PODXL: variants seen among roughly 807,000 people sequenced by gnomAD.
PODXL encodes podocalyxin like, also known as podocalyxin.
In PODXL, 20 loss-of-function variants were observed where a neutral mutation model predicts 48.9. That is an observed-to-expected ratio of 0.41 (90% CI 0.29 to 0.59). The LOEUF (loss-of-function observed/expected upper bound fraction) is 0.59. Among genes scored for constraint, PODXL ranks in the 20% least tolerant of loss-of-function variants. The pLI is 0.31. For synonymous variants in PODXL, 295 were observed against 287.4 expected, an observed-to-expected ratio of 1.03 and a Z score of -0.27; for missense variants, 606 against 675.1, an observed-to-expected ratio of 0.90 and a Z score of 1.13.
chr7:131,538,444 A>T (rs184443949), intron 1 of PODXL, among the ~76,000 whole-genome samples: 1 of 152,254 alleles, frequency 6.6e-6, no homozygotes, highest in African/African-American at 2.4e-5. Context: ...TCACCTGATG[A>T]AAATCAGGCC....
At chr7:131,531,403 T>C (rs1798278145) in intron 1 of PODXL, among the ~76,000 whole-genome samples, 1 of 152,164 alleles carries the variant, frequency 6.6e-6, no homozygotes, top group Non-Finnish European at 1.5e-5. Flanking sequence ...GAGGACAGCA[T>C]GGGAAGGCCA....
intron 1 of PODXL, among the ~76,000 whole-genome samples, chr7:131,529,111 G>A (rs1798232739): frequency 6.6e-6 from 1 of 152,156 alleles, no homozygotes; most frequent in Non-Finnish European, 1.5e-5. Flanking sequence ...ACAGAGGCCA[G>A]GGTATTTCAT....
chr7:131,521,060 C>G (rs1798084744), intron 1 of PODXL, among the ~76,000 whole-genome samples: 1 of 150,962 alleles, frequency 6.6e-6, no homozygotes, highest in African/African-American at 2.4e-5. Flanking sequence ...CCCAGCTACT[C>G]AGGAGGCTGA....
intron 1 of PODXL, among the ~76,000 whole-genome samples, chr7:131,549,571 G>A (rs779171099): frequency 2.0e-5 from 3 of 152,166 alleles, no homozygotes; most frequent in Admixed American, 6.5e-5. Flanking sequence ...CTTAACTGCC[G>A]TCCCTTCTAC....
chr7:131,509,378 T>C lies in PODXL; in HGVS notation c.1010A>G (p.His337Arg). The C allele has an allele frequency of 1.2e-6, 2 of 1,613,840 alleles. No homozygotes were observed. Among genetic ancestry groups the C allele is most frequent in the Non-Finnish European group, 8.5e-7 (1 of 1,179,788 alleles). Reference sequence around the variant, plus strand: ...TGCTGGAGTTACCCAGTTACTCTCATGAGCCACAGTGGGAGAAGGTGTTTT... The same window carrying C: ...TGCTGGAGTTACCCAGTTACTCTCACGAGCCACAGTGGGAGAAGGTGTTTT... ...YPKTPSPTVA[H>R]ESNWAKCEDL... Residue 337 changes from histidine to arginine, a missense_variant, in exon 4 of 9, where the codon CAT becomes CGT. Transcript: ENST00000378555.
intron 1 of PODXL, among the ~76,000 whole-genome samples, chr7:131,539,399 C>T (rs7792334): frequency 3.3e-5 from 5 of 152,100 alleles, no homozygotes; most frequent in African/African-American, 7.2e-5. Flanking sequence ...ATTGTGATCT[C>T]GGCTTACTGC....
rs939635978 is a variant in PODXL at position 131,537,609 on chromosome 7, C to G, written c.100+18651G>C. ...CTCCGCCCCACCCCACCCCACCCCC[C>G]CAAAAAGGTGCATATCACAAGTGTA... On this transcript the variant is annotated intron_variant, in intron 1 of 8. Coordinates refer to ENST00000378555, the MANE Select transcript of PODXL (RefSeq NM_001018111.3). Among the ~76,000 whole-genome samples, 7 of 52,746 alleles carry G rather than the reference C, an allele frequency of 1.3e-4. No individual in the cohort carries two copies. In the South Asian group the frequency reaches 2.4e-3, roughly 18 times the overall value. 34.6% of individuals were successfully genotyped at this position (52,746 alleles called of 152,430 possible).
intron 2 of PODXL, 25 bp downstream of exon 2, chr7:131,510,803 T>C: frequency 6.2e-7 from 1 of 1,613,914 alleles, no homozygotes; most frequent in African/African-American, 1.3e-5. Flanking sequence ...TTCTTGGTGC[T>C]TGAAGAAAAC....
chr7:131,505,991 C>G lies in PODXL; in HGVS notation c.1356G>C (p.Glu452Asp). 4.3e-6 allele frequency: 7 copies of G among 1,612,762 alleles called. No individual in the cohort carries two copies. Among genetic ancestry groups the G allele is most frequent in the Middle Eastern group, 1.6e-4 (1 of 6,062 alleles). The change falls in exon 8 of 9, where the codon GAG becomes GAC. Residue 452 changes from glutamate (E) to aspartate (D), a missense_variant. By Grantham distance (45) the Glu-to-Asp change is conservative. Coordinates refer to ENST00000378555, the MANE Select transcript of PODXL (RefSeq NM_001018111.3). The stretch of plus-strand genomic sequence containing the variant: ...GCATGCTGAAGCGGTCCTCGGCCTC[C>G]TCCGGTGGCCCCTGGTCCCCTAGCT... ...DMKLGDQGPP[E>D]EAEDRFSMPL... is the part of the protein sequence containing the mutation.
At position 131,510,892 on chromosome 7, in the gene PODXL, G is replaced by T. The variant is rs202133369; in HGVS notation, c.642C>A (p.Ser214Arg). 2.7e-5 allele frequency: 43 copies of T among 1,614,024 alleles called. No individual in the cohort carries two copies. The highest frequency in any genetic ancestry group is 3.3e-4 in the Middle Eastern group (2 of 6,084). Residue 214 changes from serine (S) to arginine (R), a missense_variant, in exon 2 of 9, where the codon AGC becomes AGA. Coordinates refer to ENST00000378555, the MANE Select transcript of PODXL (RefSeq NM_001018111.3). The part of the protein sequence containing the change: ...SGHDHLMKIS[S>R]SSSTVAIPGY... ...CAGGGATAGCCACAGTGCTTGAACT[G>T]CTTGAAATTTTCATAAGATGGTCAT...
intron 1 of PODXL, among the ~76,000 whole-genome samples, chr7:131,528,867 A>G (rs1438933905): frequency 6.6e-6 from 1 of 152,172 alleles, no homozygotes; most frequent in Non-Finnish European, 1.5e-5. Flanking sequence ...AGACAGAAAT[A>G]AGGCCAGGTA....
chr7:131,508,431 T>C (rs1488868578), intron 5 of PODXL, among the ~76,000 whole-genome samples: 1 of 152,154 alleles, frequency 6.6e-6, no homozygotes, highest in Non-Finnish European at 1.5e-5. Flanking sequence ...GCTTTTCTTT[T>C]CTTTCTGTAA....
In PODXL at chr7:131,540,611, G is replaced by A. The variant is rs76918114; in HGVS notation, c.100+15649C>T. Among the ~76,000 whole-genome samples the A allele has an allele frequency of 1.0e-3, 152 of 152,208 alleles. 2 individuals carry two copies. The highest frequency in any genetic ancestry group is 3.4e-3 in the African/African-American group (140 of 41,514). On this transcript the variant is annotated intron_variant, in intron 1 of 8. Coordinates refer to ENST00000378555, the MANE Select transcript of PODXL (RefSeq NM_001018111.3). ...ACACACTTCCAGAGCCAAAGCGCCC[G>A]GACATTTGGCACACAACTCTTCCCC...
In PODXL at chr7:131,510,872, A is replaced by G; in HGVS notation, c.662T>C (p.Ile221Thr). The G allele has an allele frequency of 6.2e-7, 1 of 1,614,126 alleles. No homozygotes were observed. Among genetic ancestry groups the G allele is most frequent in the Admixed American group, 1.7e-5 (1 of 60,018 alleles). Residue 221 changes from isoleucine (I) to threonine (T), a missense_variant, in exon 2 of 9, where the codon ATC becomes ACC. Ile to Thr is a moderately conservative substitution (Grantham distance 89, BLOSUM62 -1). Coordinates refer to ENST00000378555, the MANE Select transcript of PODXL (RefSeq NM_001018111.3). ...CGGGCTTGTGAAGGTGTAGCCAGGG[A>G]TAGCCACAGTGCTTGAACTGCTTGA... Reference protein sequence around the residue: ...KISSSSSTVAIPGYTFTSPGM... With the variant: ...KISSSSSTVATPGYTFTSPGM...
intron 1 of PODXL, among the ~76,000 whole-genome samples, chr7:131,546,847 T>C (rs915190494): frequency 1.3e-5 from 2 of 150,932 alleles, no homozygotes; most frequent in Non-Finnish European, 2.9e-5. Context: ...GGGGGCGCCA[T>C]CTCAGTGGCT....
chr7:131,556,293 A>ACGGCGG lies in PODXL; in HGVS notation c.66_67insCCGCCG (p.Ser22_Ser23insProPro), dbSNP rs2116881043. On this transcript the variant is annotated inframe_insertion, in exon 1 of 9. Transcript: ENST00000378555. ...GAGGGCGACGGCGACGGCGACGGCGACGACGGCAGCAGCGGCGGCGTTGAC... is the reference window on the plus strand; with the variant it reads ...GAGGGCGACGGCGACGGCGACGGCGACGGCGGCGACGGCAGCAGCGGCGGCGTTGAC... The ACGGCGG allele has an allele frequency of 2.7e-6, 4 of 1,493,198 alleles. No homozygotes were observed. Among genetic ancestry groups the ACGGCGG allele is most frequent in the Non-Finnish European group, 3.6e-6 (4 of 1,126,626 alleles). The allele number at this position is 1,493,198 out of a possible 1,614,324, so 92.5% of individuals were successfully genotyped here. A position where few individuals can be genotyped will look rare whatever the true frequency, so the allele number is the denominator to read the frequency against.
At chr7:131,524,409 A>AGAGAGAGAGAGAGAGAGAG (rs760491817) in intron 1 of PODXL, among the ~76,000 whole-genome samples, 13 of 72,126 alleles carry the variant, frequency 1.8e-4, no homozygotes, top group Non-Finnish European at 4.7e-4. Context: ...GAGAGAGAGA[A>AGAGAGAGAGAGAGAGAGAG]AACAACAAGG....
At chr7:131,508,758 G>A (rs1221673666) in intron 5 of PODXL, among the ~76,000 whole-genome samples, 193 bp downstream of exon 5, 1 of 152,006 alleles carries the variant, frequency 6.6e-6, no homozygotes, top group Non-Finnish European at 1.5e-5. Context: ...ACTTAGAGAA[G>A]TCTTAAACCT....
At chr7:131,506,527 C>T in intron 6 of PODXL, 52 bp downstream of exon 6, 2 of 1,585,124 alleles carry the variant, frequency 1.3e-6, no homozygotes, top group African/African-American at 2.7e-5. Context: ...CTGCATGCCC[C>T]CCATTCCCAC....
Sources: gnomAD v4.1 joint callset for allele counts (sites outside exome capture counted in the v4.1 genomes callset) on GRCh38, gnomAD v4.1.1 for gene constraint, MANE v1.5 for transcripts, NCBI Gene and HGNC (gene_info 2026-07-23, HGNC 2026-07-21) for gene names.